The following TRRAP variants were observed in gnomAD, a reference collection of about 807,000 sequenced individuals.
TRRAP encodes transformation/transcription domain-associated protein.
Under a neutral mutation model 438.8 loss-of-function variants are expected in TRRAP, and 41 were observed. The observed-to-expected ratio is 0.09, with a 90% CI of 0.07 to 0.12. The LOEUF is 0.12. TRRAP is among the 10% of genes least tolerant of loss of function. The probability of loss-of-function intolerance (pLI) is 1.00; values close to 1 mark genes in which losing one functional copy is unlikely to be tolerated. For synonymous variants in TRRAP, 1,994 were observed against 1,962.9 expected (o/e 1.02, Z -0.42); for missense variants, 3,122 against 5,055.1 (o/e 0.62, Z 11.60).
rs141707965 is a variant in TRRAP at position 98,930,015 on chromosome 7, G to T, written c.3202G>T (p.Val1068Leu). 2.5e-6 allele frequency: 4 copies of T among 1,614,054 alleles called. No homozygotes were observed. In the African/African-American group the frequency reaches 5.3e-5, roughly 22 times the overall value. The change falls in exon 24 of 73, where the codon GTG becomes TTG. Residue 1068 changes from valine (V) to leucine (L), a missense_variant. Val to Leu is a conservative substitution (Grantham distance 32, BLOSUM62 1). This residue lies in a region of TRRAP where 54 missense variants were observed against 74.6 expected (regional missense o/e 0.72). Coordinates refer to ENST00000456197, the MANE Select transcript of TRRAP (RefSeq NM_001375524.1). ...CCCTTTCTTGCTGCCTTGCTACCAG[G>T]TGGGCAGCCAGCCCAGCACAGCCAT... ...CGPFLLPCYQ[V>L]GSQPSTAMFH...
intron 31 of TRRAP, among the ~76,000 whole-genome samples, chr7:98,944,124 A>G (rs1189445842): frequency 6.6e-6 from 1 of 152,214 alleles, no homozygotes; most frequent in African/African-American, 2.4e-5. Flanking sequence ...AGGAGAGCAG[A>G]GTATATTAAT....
intron 7 of TRRAP, 54 bp downstream of exon 7, chr7:98,895,874 CAA>C (rs1584278255): frequency 7.1e-6 from 10 of 1,417,922 alleles, no homozygotes; most frequent in Non-Finnish European, 8.7e-6. Context: ...TTCCTTATTC[CAA>C]AAAGACTTTA....
At chr7:98,907,018 T>TAA (rs782153890) in intron 13 of TRRAP, among the ~76,000 whole-genome samples, 1 of 141,332 alleles carries the variant, frequency 7.1e-6, no homozygotes, top group Admixed American at 7.1e-5. Context: ...TTCTTACACT[T>TAA]AAAAAAAAAA....
chr7:98,948,662 C>G lies in TRRAP; in HGVS notation c.4765C>G (p.Pro1589Ala), dbSNP rs1222978510. 1 of 1,614,180 alleles carries G rather than the reference C, an allele frequency of 6.2e-7. No homozygotes were observed. Among genetic ancestry groups the G allele is most frequent in the Non-Finnish European group, 8.5e-7 (1 of 1,180,038 alleles). Residue 1589 changes from proline (P) to alanine (A), a missense_variant, in exon 35 of 73, where the codon CCC becomes GCC. By Grantham distance (27) the Pro-to-Ala change is conservative (BLOSUM62 -1). Transcript: ENST00000456197. The surrounding 1 kb of genome is among the most constrained non-coding windows in gnomAD (Gnocchi z 4.9). ...CATGATGGAAGCCACACTGAACGAT[C>G]CCCAGTGGAGCAGAATGTTTATGGT... The part of the protein sequence containing the change: ...LFMMEATLND[P>A]QWSRMFMSFL...
intron 2 of TRRAP, chr7:98,881,665 A>G: frequency 6.0e-6 from 2 of 332,998 alleles, no homozygotes; most frequent in Non-Finnish European, 1.1e-5. Flanking sequence ...AGTAACTTTT[A>G]TTCTCATTTT....
chr7:98,925,319 G>A (rs1789997776), intron 22 of TRRAP, 56 bp downstream of exon 22: 2 of 1,580,032 alleles, frequency 1.3e-6, no homozygotes, highest in Non-Finnish European at 1.7e-6. Context: ...AGGAATTGGG[G>A]CTGCAGAGGG....
chr7:98,947,233 C>T (rs2116598028), intron 33 of TRRAP, among the ~76,000 whole-genome samples: 1 of 152,328 alleles, frequency 6.6e-6, no homozygotes, highest in East Asian at 1.9e-4. Context: ...GCAGCCCACC[C>T]CTGAGCTGTG....
intron 47 of TRRAP, among the ~76,000 whole-genome samples, chr7:98,964,187 C>T (rs533950522): frequency 2.6e-5 from 4 of 151,798 alleles, no homozygotes; most frequent in Admixed American, 1.3e-4. Flanking sequence ...CTAGTATTGG[C>T]TTTGCTGATT....
rs1338469820 is a variant in TRRAP at position 98,920,308 on chromosome 7, T to TA, written c.2623-1437dup. ...CAACAAGGTGAAACCCTATCTGCACTAAAAAAAATTAGCTGGGCATGGTGG... is the reference window on the plus strand; with the variant it reads ...CAACAAGGTGAAACCCTATCTGCACTAAAAAAAAATTAGCTGGGCATGGTGG... On this transcript the variant is annotated intron_variant, in intron 20 of 72. Transcript: ENST00000456197. Among the ~76,000 whole-genome samples, 10 of 151,610 alleles carry TA rather than the reference T, an allele frequency of 6.6e-5. No homozygotes were observed. In the East Asian group the frequency reaches 1.2e-3, roughly 18 times the overall value.
intron 53 of TRRAP, among the ~76,000 whole-genome samples, chr7:98,975,707 T>C (rs1371645902): frequency 1.3e-5 from 2 of 152,244 alleles, no homozygotes; most frequent in Admixed American, 6.5e-5. Flanking sequence ...CAGTTCTTGA[T>C]TTGTTCTTCA....
At position 98,910,218 on chromosome 7, in the gene TRRAP, G is replaced by GGGCC; in HGVS notation, c.1513_1514insGGCC (p.Ala505GlyfsTer69). 3 of 1,377,518 alleles carry GGGCC rather than the reference G, an allele frequency of 2.2e-6. No homozygotes were observed. Among genetic ancestry groups the GGGCC allele is most frequent in the Non-Finnish European group, 1.9e-6 (2 of 1,064,850 alleles). The allele number at this position is 1,377,518 out of a possible 1,614,324, so 85.3% of individuals were successfully genotyped here. ...TGCTCCCTCCCCAGCCCCTGTCCCT[G>GGGCC]CCCCACCTCCACCCCCGCCCCCACC... On this transcript the variant is annotated frameshift_variant, in exon 15 of 73. Coordinates refer to ENST00000456197, the MANE Select transcript of TRRAP (RefSeq NM_001375524.1). LOFTEE classifies it high-confidence loss of function.
Position 98,974,828 on chromosome 7 carries a change from C to G in TRRAP, c.7840-1321C>G, listed in dbSNP as rs575690706. Among the ~76,000 whole-genome samples, 6 of 152,306 alleles carry G rather than the reference C, an allele frequency of 3.9e-5. No individual in the cohort carries two copies. In the South Asian group the frequency reaches 1.2e-3, roughly 32 times the overall value. ...GGCACCCATAGGCATCTCCTTAAAC[C>G]ATGCAGACAGTAACATGTAATAGTT... On this transcript the variant is annotated intron_variant, in intron 53 of 72. Coordinates refer to ENST00000456197, the MANE Select transcript of TRRAP (RefSeq NM_001375524.1).
chr7:98,999,559 G>T, intron 67 of TRRAP: 1 of 732,412 alleles, frequency 1.4e-6, no homozygotes, highest in Non-Finnish European at 2.5e-6. Flanking sequence ...CATCCAGGCA[G>T]ACAGGATCCC....
In TRRAP at chr7:98,976,347, C is replaced by T. The variant is rs1792655977; in HGVS notation, c.7959+79C>T. The T allele has an allele frequency of 5.7e-6, 9 of 1,584,456 alleles. No individual in the cohort carries two copies. The highest frequency in any genetic ancestry group is 1.7e-4 in the Middle Eastern group (1 of 5,962). ...AAGTATTCATAAAAGAACACAGTCT[C>T]GAACAAGTTTCAGAAAATGAGGGAA... is the stretch of plus-strand genomic sequence containing the variant. On this transcript the variant is annotated intron_variant, in intron 54 of 72. Coordinates refer to ENST00000456197, the MANE Select transcript of TRRAP (RefSeq NM_001375524.1). The surrounding 1 kb of genome is among the most constrained non-coding windows in gnomAD (Gnocchi z 4.6).
Position 99,012,218 on chromosome 7 carries a change from G to T in TRRAP, c.11485G>T (p.Val3829Phe). The T allele has an allele frequency of 2.5e-6, 4 of 1,614,048 alleles. No individual in the cohort carries two copies. Among genetic ancestry groups the T allele is most frequent in the Non-Finnish European group, 3.4e-6 (4 of 1,179,964 alleles). ...ACTGGTGTCCCTGGTTCAGAAAGCC[G>T]TCACCGCCATCATGACCCGCCTGCA... ...QQLVSLVQKA[V>F]TAIMTRLHNL... The change falls in exon 73 of 73, where the codon GTC becomes TTC. Residue 3829 changes from valine to phenylalanine, a missense_variant. This residue lies in a region of TRRAP where 192 missense variants were observed against 355.6 expected (regional missense o/e 0.54). Coordinates refer to ENST00000456197, the MANE Select transcript of TRRAP (RefSeq NM_001375524.1). The surrounding 1 kb of genome is among the most constrained non-coding windows in gnomAD (Gnocchi z 5.9).
intron 18 of TRRAP, among the ~76,000 whole-genome samples, chr7:98,913,179 C>T (rs1789358057): frequency 6.6e-6 from 1 of 152,148 alleles, no homozygotes; most frequent in South Asian, 2.1e-4. Context: ...TACTTGCAGT[C>T]TTGGGGTCTG....
rs782600640 is a variant in TRRAP at position 98,958,022 on chromosome 7, C to G, written c.6273C>G (p.Leu2091=). The G allele has an allele frequency of 2.5e-6, 4 of 1,614,200 alleles. No homozygotes were observed. The highest frequency in any genetic ancestry group is 3.4e-6 in the Non-Finnish European group (4 of 1,180,034). Residue 2091 remains leucine, a synonymous_variant, in exon 44 of 73, where the codon CTC becomes CTG. Coordinates refer to ENST00000456197, the MANE Select transcript of TRRAP (RefSeq NM_001375524.1). ...AGTCGCTACCTGGAGCAGACTCTCT[C>G]CTCGCCAAGCCCATTGACAAGCAGC... ...RSQSLPGADS[L]LAKPIDKQHT...
In TRRAP at chr7:99,005,371, G is replaced by C; in HGVS notation, c.10753+23G>C. ...CAGGTAGGGTTGAGAGCCACAGCTCGCTGGGTACACAGGCAGCTTCACAGG... is the reference window on the plus strand; with the variant it reads ...CAGGTAGGGTTGAGAGCCACAGCTCCCTGGGTACACAGGCAGCTTCACAGG... On this transcript the variant is annotated intron_variant, in intron 69 of 72. Coordinates refer to ENST00000456197, the MANE Select transcript of TRRAP (RefSeq NM_001375524.1). The surrounding 1 kb of genome is among the most constrained non-coding windows in gnomAD (Gnocchi z 5.1). 1 of 1,610,774 alleles carries C rather than the reference G, an allele frequency of 6.2e-7. No homozygotes were observed. The highest frequency in any genetic ancestry group is 1.1e-5 in the South Asian group (1 of 90,936).
At chr7:98,878,926 G>A (rs1391104131) in intron 1 of TRRAP, among the ~76,000 whole-genome samples, 2 of 152,162 alleles carry the variant, frequency 1.3e-5, no homozygotes, top group Non-Finnish European at 2.9e-5. Context: ...GCCCGGGACG[G>A]CGACCAAAGG....
Sources: allele counts gnomAD v4.1 joint callset (sites outside exome capture counted in the v4.1 genomes callset), GRCh38; gene constraint gnomAD v4.1.1; regional missense constraint gnomAD v4.1.1; non-coding constraint Gnocchi (gnomAD v3.1); transcripts MANE v1.5; gene names NCBI Gene and HGNC (gene_info 2026-07-23, HGNC 2026-07-21).